ZC3H18: variants seen among roughly 807,000 people sequenced by gnomAD.
ZC3H18 encodes zinc finger CCCH-type containing 18, also known as zinc finger CCCH domain-containing protein 18.
ZC3H18 carries 8 observed loss-of-function variants against 106.1 expected under a neutral mutation model. The observed-to-expected ratio is 0.08, with a 90% CI of 0.04 to 0.14. ZC3H18 has a LOEUF of 0.14. Among genes scored for constraint, ZC3H18 ranks in the 10% least tolerant of loss-of-function variants. The pLI is 1.00. For synonymous variants in ZC3H18, 635 were observed against 522.1 expected (o/e 1.22, Z -2.95); for missense variants, 1,318 against 1,278.4 (o/e 1.03, Z -0.47).
chr16:88,573,741 G>T (rs749625542), intron 1 of ZC3H18, among the ~76,000 whole-genome samples: 5 of 151,840 alleles, frequency 3.3e-5, no homozygotes, highest in Non-Finnish European at 5.9e-5. Flanking sequence ...ATTCCTCCCA[G>T]TAGTCCTGTC....
In ZC3H18 at chr16:88,612,034, GGCT is replaced by G. The variant is rs199597563; in HGVS notation, c.1475+503_1475+505del. On this transcript the variant is annotated intron_variant, in intron 8 of 17. Transcript: ENST00000301011. ...CCAGCATGCAGGGGAGGGCCGGGCG[GGCT>G]GCTGTTTTTCCTTTGCGGAGTGGGT... Among the ~76,000 whole-genome samples the G allele has an allele frequency of 4.5e-4, 68 of 152,284 alleles. No individual in the cohort carries two copies. The East Asian group carries it at 0.013, about 29-fold the overall frequency.
At chr16:88,631,069 G>A (rs779030784) in intron 17 of ZC3H18, 32 bp from the exon 18 acceptor site, 2 of 1,609,682 alleles carry the variant, frequency 1.2e-6, no homozygotes, top group Non-Finnish European at 1.7e-6. Flanking sequence ...CGTGGCTTCT[G>A]GGGGCTCAAG....
At chr16:88,612,594 A>G (rs1036005208) in intron 8 of ZC3H18, among the ~76,000 whole-genome samples, 15 of 146,944 alleles carry the variant, frequency 1.0e-4, no homozygotes, top group African/African-American at 3.5e-4. Context: ...GGAGGATTAC[A>G]GGATCGCCCA....
At chr16:88,570,651 G>A (rs1336626571) in intron 1 of ZC3H18, 85 bp downstream of exon 1, 1 of 150,880 alleles carries the variant, frequency 6.6e-6, no homozygotes, top group African/African-American at 2.4e-5. Flanking sequence ...GGCGGCCGCG[G>A]GAGGGAGGCC....
At chr16:88,579,094 A>G (rs189439586) in intron 2 of ZC3H18, among the ~76,000 whole-genome samples, 1 of 152,248 alleles carries the variant, frequency 6.6e-6, no homozygotes, top group East Asian at 1.9e-4. Context: ...AGTAATTTAT[A>G]GGGTTTGAAG....
intron 7 of ZC3H18, among the ~76,000 whole-genome samples, chr16:88,610,620 G>A (rs1339061509): frequency 6.6e-6 from 1 of 152,248 alleles, no homozygotes; most frequent in Non-Finnish European, 1.5e-5. Flanking sequence ...AACCCATCAG[G>A]TGCGTTGTGA....
At position 88,623,327 on chromosome 16, in the gene ZC3H18, C is replaced by A; in HGVS notation, c.1776C>A (p.Phe592Leu). 1 of 1,613,614 alleles carries A rather than the reference C, an allele frequency of 6.2e-7. No individual in the cohort carries two copies. The highest frequency in any genetic ancestry group is 8.5e-7 in the Non-Finnish European group (1 of 1,179,974). The change falls in exon 10 of 18, where the codon TTC (phenylalanine) becomes TTA (leucine). Residue 592 changes from phenylalanine to leucine, a missense_variant. By Grantham distance (22) the Phe-to-Leu change is conservative. Transcript: ENST00000301011. The part of the protein sequence containing the change: ...YSSRSSRHSS[F>L]SGSRSRSRSF... ...GCCGCTCTTCCAGACACAGCTCGTT[C>A]TCAGGAAGCCGGTCCAGGTATGTCC...
chr16:88,630,679 G>A lies in ZC3H18; in HGVS notation c.2663+98G>A, dbSNP rs1042839065. The A allele has an allele frequency of 9.8e-5, 102 of 1,036,102 alleles. 1 individual carries two copies. The Admixed American group carries it at 1.9e-3, about 20-fold the overall frequency. 64.2% of individuals were successfully genotyped at this position (1,036,102 alleles called of 1,614,324 possible). ...CAGCAGCAGGGCTAGCACTGGGCCA[G>A]GCTGGAGGCGTCACTACAGCTCCTG... On this transcript the variant is annotated intron_variant, in intron 17 of 17. Transcript: ENST00000301011.
chr16:88,572,636 A>G (rs2142509035), intron 1 of ZC3H18, among the ~76,000 whole-genome samples: 1 of 152,198 alleles, frequency 6.6e-6, no homozygotes, highest in East Asian at 1.9e-4. Context: ...AGATAGTGTA[A>G]GAAGACCAAA....
At chr16:88,571,193 C>T (rs558857065) in intron 1 of ZC3H18, among the ~76,000 whole-genome samples, 4 of 152,346 alleles carry the variant, frequency 2.6e-5, no homozygotes, top group African/African-American at 7.2e-5. Context: ...AGCCTTACTC[C>T]TGCCAAACAT....
intron 3 of ZC3H18, among the ~76,000 whole-genome samples, chr16:88,591,463 T>C (rs10852630): frequency 1.3e-5 from 2 of 151,864 alleles, no homozygotes; most frequent in Non-Finnish European, 2.9e-5. Flanking sequence ...TTCCAGCTAT[T>C]TGGGAGGCCA....
At chr16:88,606,216 T>A (rs547677872) in intron 6 of ZC3H18, among the ~76,000 whole-genome samples, 19 of 152,372 alleles carry the variant, frequency 1.2e-4, no homozygotes, top group African/African-American at 4.6e-4. Context: ...TAAATTGAAT[T>A]AAATACCTTC....
intron 5 of ZC3H18, among the ~76,000 whole-genome samples, chr16:88,599,578 CG>C (rs537122155): frequency 2.0e-5 from 3 of 152,168 alleles, no homozygotes; most frequent in Non-Finnish European, 4.4e-5. Flanking sequence ...ACACGGAGGC[CG>C]GGGGCAGCTG....
rs1381752701 is a variant in ZC3H18 at position 88,577,368 on chromosome 16, A to T, written c.245A>T (p.Asp82Val). The change falls in exon 2 of 18, where the codon GAC (aspartate) becomes GTC (valine). Residue 82 changes from aspartate (D) to valine (V), a missense_variant. Around this residue, in one of 6 missense-constraint regions of ZC3H18, gnomAD observed 346 missense variants for 269.0 expected, o/e 1.29. Coordinates refer to ENST00000301011, the MANE Select transcript of ZC3H18 (RefSeq NM_144604.4). ...RASEPKSQDQ[D>V]SEVNELSRGP... The stretch of plus-strand genomic sequence containing the variant: ...AGTGAGCCTAAATCCCAAGACCAGG[A>T]CTCAGAGGTGAATGAGCTGAGCCGG... The T allele has an allele frequency of 6.3e-7, 1 of 1,598,230 alleles. No homozygotes were observed. The highest frequency in any genetic ancestry group is 1.7e-5 in the Admixed American group (1 of 58,754).
At chr16:88,592,809 A>G (rs770700812) in intron 3 of ZC3H18, among the ~76,000 whole-genome samples, 2 of 152,238 alleles carry the variant, frequency 1.3e-5, no homozygotes, top group Non-Finnish European at 2.9e-5. Context: ...TTCGAATGCC[A>G]CTTTACTTCA....
chr16:88,581,285 G>A (rs1343950804), intron 2 of ZC3H18, among the ~76,000 whole-genome samples: 1 of 152,144 alleles, frequency 6.6e-6, no homozygotes, highest in East Asian at 1.9e-4. Context: ...ACTGTCCCTG[G>A]CCTGATTTAT....
chr16:88,624,333 T>C (rs918638237), intron 11 of ZC3H18: 1 of 654,352 alleles, frequency 1.5e-6, no homozygotes, highest in Admixed American at 2.9e-5. Context: ...TAAGGGGTCT[T>C]CCTATTAGCC....
chr16:88,628,614 T>A (rs1906465307), intron 15 of ZC3H18, 144 bp from the exon 16 acceptor site: 5 of 833,766 alleles, frequency 6.0e-6, no homozygotes, highest in Non-Finnish European at 9.6e-6. Flanking sequence ...GAGGCCTCAC[T>A]CAGGGCTACG....
At chr16:88,583,107 C>T (rs1915231234) in intron 2 of ZC3H18, among the ~76,000 whole-genome samples, 1 of 152,256 alleles carries the variant, frequency 6.6e-6, no homozygotes, top group South Asian at 2.1e-4. Context: ...TGCTCGGCTT[C>T]CTCTGGCACA....
Sources: gnomAD v4.1 joint callset for allele counts (sites outside exome capture counted in the v4.1 genomes callset) on GRCh38, gnomAD v4.1.1 for gene constraint, gnomAD v4.1.1 regional missense constraint, MANE v1.5 for transcripts, NCBI Gene and HGNC (gene_info 2026-07-23, HGNC 2026-07-21) for gene names.